Variants in GSE1 observed in about 807,000 individuals in gnomAD.
The protein encoded by GSE1 is Gse1 coiled-coil protein.
GSE1 carries 32 observed loss-of-function variants against 112.6 expected under a neutral mutation model. That is an observed-to-expected ratio of 0.28 (90% CI 0.21 to 0.38). GSE1 has a LOEUF of 0.38. Ranked by LOEUF, GSE1 falls within the 10% of genes least tolerant of loss-of-function variation. GSE1 has a pLI of 1.00. For missense variants in GSE1, 2,348 were observed against 1,699.2 expected (o/e 1.38, Z -6.71); for synonymous variants, 1,115 against 735.6 (o/e 1.52, Z -8.35).
chr16:85,269,412 G>A (rs929637012), intron 1 of GSE1, among the ~76,000 whole-genome samples: 3 of 148,234 alleles, frequency 2.0e-5, no homozygotes, highest in Admixed American at 2.0e-4. Context: ...CGCAGGGTGG[G>A]AATACGCCTG....
intron 1 of GSE1, among the ~76,000 whole-genome samples, chr16:85,632,845 G>C (rs1472046365): frequency 6.6e-6 from 1 of 152,210 alleles, no homozygotes; most frequent in African/African-American, 2.4e-5. Context: ...TAGGGGTGGG[G>C]GCGTCTCTGC....
At chr16:85,172,594 G>C (rs969432523) in intron 1 of GSE1, among the ~76,000 whole-genome samples, 5 of 152,358 alleles carry the variant, frequency 3.3e-5, no homozygotes, top group African/African-American at 1.2e-4. Flanking sequence ...GTGGGTCTGG[G>C]GAGGTAGATG....
intron 2 of GSE1, among the ~76,000 whole-genome samples, chr16:85,492,369 A>G (rs1237854527): frequency 6.6e-6 from 1 of 152,008 alleles, no homozygotes; most frequent in Non-Finnish European, 1.5e-5. Context: ...CCCCTCTCAA[A>G]TCGAATCCCC....
chr16:85,604,677 C>A (rs536286046), intron 1 of GSE1, among the ~76,000 whole-genome samples: 1 of 111,994 alleles, frequency 8.9e-6, no homozygotes, highest in Admixed American at 1.1e-4. Context: ...ACCAGGAGGT[C>A]GAGACTGCAG....
intron 2 of GSE1, among the ~76,000 whole-genome samples, chr16:85,645,872 C>T (rs902831720): frequency 2.6e-5 from 4 of 151,922 alleles, no homozygotes; most frequent in Non-Finnish European, 5.9e-5. Flanking sequence ...TTCTACCATG[C>T]TTCCTATGCA....
chr16:85,449,012 C>G (rs1019349225), intron 2 of GSE1, among the ~76,000 whole-genome samples: 1 of 152,332 alleles, frequency 6.6e-6, no homozygotes, highest in Non-Finnish European at 1.5e-5. Flanking sequence ...CAGGAGGCCT[C>G]TCAGGCGTCA....
At chr16:85,632,017 C>T (rs746434903) in intron 1 of GSE1, among the ~76,000 whole-genome samples, 48 of 152,256 alleles carry the variant, frequency 3.2e-4, no homozygotes, top group Admixed American at 7.8e-4. Flanking sequence ...TGGCCGAGGA[C>T]GGGCCCTCAT....
chr16:85,217,604 G>A (rs1029995439), intron 1 of GSE1, among the ~76,000 whole-genome samples: 1 of 152,222 alleles, frequency 6.6e-6, no homozygotes, highest in African/African-American at 2.4e-5. Context: ...GCCCTTGCCT[G>A]GTTGTGAGAG....
chr16:85,228,431 C>T (rs1056963194), intron 1 of GSE1, among the ~76,000 whole-genome samples: 16 of 152,188 alleles, frequency 1.1e-4, no homozygotes, highest in Admixed American at 4.6e-4. Context: ...GTCAGTGCGG[C>T]GAAGGCCCAG....
At chr16:85,668,813 G>A (rs1167602185) in intron 14 of GSE1, among the ~76,000 whole-genome samples, 2 of 152,236 alleles carry the variant, frequency 1.3e-5, no homozygotes, top group Non-Finnish European at 2.9e-5. Context: ...CATGCCTCTT[G>A]CCTAGTGACA....
chr16:85,297,494 GTTTTT>G (rs576954517), intron 1 of GSE1, among the ~76,000 whole-genome samples: 1 of 150,018 alleles, frequency 6.7e-6, no homozygotes, highest in African/African-American at 2.5e-5. Context: ...TAGCTATTGT[GTTTTT>G]TTTGTTTTGT....
intron 1 of GSE1, among the ~76,000 whole-genome samples, chr16:85,249,009 G>C (rs1178820473): frequency 6.6e-6 from 1 of 152,232 alleles, no homozygotes; most frequent in Non-Finnish European, 1.5e-5. Context: ...CACAGACACA[G>C]ATAGGAGGCA....
chr16:85,567,663 C>G (rs921278974), intron 1 of GSE1, among the ~76,000 whole-genome samples: 5 of 152,236 alleles, frequency 3.3e-5, no homozygotes, highest in African/African-American at 1.2e-4. Context: ...ACACCACATT[C>G]TGTTGGTTGC....
chr16:85,367,732 G>A (rs1467312749), intron 2 of GSE1, among the ~76,000 whole-genome samples: 3 of 152,176 alleles, frequency 2.0e-5, no homozygotes, highest in Non-Finnish European at 4.4e-5. Context: ...GCGTGGCACA[G>A]TGCACATAAT....
chr16:85,361,839 A>C (rs1398942100), intron 2 of GSE1, among the ~76,000 whole-genome samples: 2 of 151,988 alleles, frequency 1.3e-5, no homozygotes, highest in Non-Finnish European at 2.9e-5. Context: ...GTTTGGTAAC[A>C]CTGGGTTCCC....
intron 1 of GSE1, among the ~76,000 whole-genome samples, chr16:85,317,474 G>C (rs996288022): frequency 8.5e-5 from 13 of 152,152 alleles, no homozygotes; most frequent in African/African-American, 2.9e-4. Context: ...ACGAGTCCCA[G>C]CCCCTCAGGT....
chr16:85,303,572 A>G (rs569589283), intron 1 of GSE1, among the ~76,000 whole-genome samples: 7 of 152,322 alleles, frequency 4.6e-5, no homozygotes, highest in African/African-American at 1.7e-4. Context: ...GGCAGGTTCT[A>G]TTGTGACTCC....
intron 1 of GSE1, among the ~76,000 whole-genome samples, chr16:85,236,865 C>G (rs1382337179): frequency 6.6e-6 from 1 of 152,176 alleles, no homozygotes; most frequent in Non-Finnish European, 1.5e-5. Context: ...CTGGCTCCCC[C>G]CGACCATCCC....
chr16:85,638,858 A>G (rs1051811338), intron 2 of GSE1, among the ~76,000 whole-genome samples: 2 of 150,264 alleles, frequency 1.3e-5, no homozygotes, highest in Non-Finnish European at 3.0e-5. Context: ...TGGGTCCGCC[A>G]TGGCTTCCCC....
Sources: gnomAD v4.1 joint callset for allele counts (sites outside exome capture counted in the v4.1 genomes callset) on GRCh38, gnomAD v4.1.1 for gene constraint, MANE v1.5 for transcripts, NCBI Gene and HGNC (gene_info 2026-07-23, HGNC 2026-07-21) for gene names.